Variants in PBRM1 observed in about 807,000 individuals in gnomAD.
PBRM1 encodes the protein protein polybromo-1.
PBRM1 carries 27 observed loss-of-function variants against 194.5 expected under a neutral mutation model. The observed-to-expected ratio is 0.14, with a 90% CI of 0.10 to 0.19. The LOEUF (loss-of-function observed/expected upper bound fraction) is 0.19. Ranked by LOEUF, PBRM1 falls within the 10% of genes least tolerant of loss-of-function variation. The pLI is 1.00. For missense variants in PBRM1, 1,466 were observed against 2,077.2 expected (o/e 0.71, Z 5.72); for synonymous variants, 655 against 693.2 (o/e 0.94, Z 0.87).
At chr3:52,636,214 CTG>C (rs1225318579) in intron 10 of PBRM1, among the ~76,000 whole-genome samples, 1 of 152,114 alleles carries the variant, frequency 6.6e-6, no homozygotes, top group Non-Finnish European at 1.5e-5. Context: ...CCTTAAATCT[CTG>C]TGACTTTGCC....
At chr3:52,631,815 A>C (rs2095627653) in intron 11 of PBRM1, among the ~76,000 whole-genome samples, 1 of 152,222 alleles carries the variant, frequency 6.6e-6, no homozygotes, top group African/African-American at 2.4e-5. Flanking sequence ...GATTTCCTGA[A>C]AGCAATAAAT....
chr3:52,676,213 G>A (rs2097101852), intron 2 of PBRM1, among the ~76,000 whole-genome samples: 1 of 148,308 alleles, frequency 6.7e-6, no homozygotes, highest in Admixed American at 6.7e-5. Flanking sequence ...ATGGATCAAA[G>A]GCCTAAATGT....
At chr3:52,584,790 T>C (rs1426854783) in intron 20 of PBRM1, among the ~76,000 whole-genome samples, 1 of 152,154 alleles carries the variant, frequency 6.6e-6, no homozygotes. Flanking sequence ...TTTACTGCTT[T>C]TGTTTATCTA....
At position 52,648,274 on chromosome 3, in the gene PBRM1, A is replaced by G. The variant is rs1053488156; in HGVS notation, c.813+70T>C. On this transcript the variant is annotated intron_variant, in intron 7 of 29. Coordinates refer to ENST00000296302, the Ensembl canonical transcript of PBRM1. Reference sequence around the variant, plus strand: ...TTATATCTCAATAAAGTTGTTTTATAAAAATTACTGACCTTAAATTATCTA... The same window carrying G: ...TTATATCTCAATAAAGTTGTTTTATGAAAATTACTGACCTTAAATTATCTA... The G allele has an allele frequency of 7.9e-6, 7 of 882,442 alleles. No individual in the cohort carries two copies. The African/African-American group carries it at 8.5e-5, about 11-fold the overall frequency. The allele number at this position is 882,442 out of a possible 1,614,324, so 54.7% of individuals were successfully genotyped here.
At chr3:52,645,677 T>C (rs73839120) in intron 7 of PBRM1, among the ~76,000 whole-genome samples, 1,864 of 151,910 alleles carry the variant, frequency 0.012, 49 homozygotes, top group African/African-American at 0.043. Flanking sequence ...GCAGTCGAGC[T>C]GATAACCGAG....
intron 25 of PBRM1, 21 bp downstream of exon 27, chr3:52,561,746 T>C: frequency 1.2e-6 from 2 of 1,606,364 alleles, no homozygotes; most frequent in South Asian, 1.1e-5. Flanking sequence ...CGAAAGACAG[T>C]TGTGCCTAGG....
intron 5 of PBRM1, among the ~76,000 whole-genome samples, chr3:52,656,545 AT>A (rs2096610973): frequency 6.6e-6 from 1 of 152,194 alleles, no homozygotes; most frequent in South Asian, 2.1e-4. Context: ...CATGCCTGTA[AT>A]CCCAGCTACT....
chr3:52,636,376 G>A (rs2095811842), intron 10 of PBRM1, among the ~76,000 whole-genome samples: 2 of 152,096 alleles, frequency 1.3e-5, no homozygotes, highest in Admixed American at 6.6e-5. Flanking sequence ...CCTAAACAGT[G>A]TGTAAGGACC....
rs778396949 is a variant in PBRM1, at chr3:52,609,749, T to C, written c.2131A>G (p.Ser711Gly). Residue 711 changes from serine to glycine, a missense_variant, in exon 16 of 30, where the codon AGT (serine) becomes GGT (glycine). Ser to Gly is a moderately conservative substitution (Grantham distance 56). Around this residue, in one of 5 missense-constraint regions of PBRM1, gnomAD observed 687 missense variants for 946.2 expected, o/e 0.73. Coordinates refer to ENST00000296302, the Ensembl canonical transcript of PBRM1. This position sits in a 1 kb window ranked among gnomAD's most constrained non-coding sequence, Gnocchi z 4.1. Reference sequence around the variant, plus strand: ...TGGTACTTGTTGGCCATCATGTGACTTCGAATTTTTTCCATGTCCATGGGC... The same window carrying C: ...TGGTACTTGTTGGCCATCATGTGACCTCGAATTTTTTCCATGTCCATGGGC... 4 of 1,607,488 alleles carry C rather than the reference T, an allele frequency of 2.5e-6. No homozygotes were observed. Among genetic ancestry groups the C allele is most frequent in the Non-Finnish European group, 3.4e-6 (4 of 1,177,632 alleles).
chr3:52,607,025 TGAA>T (rs1164919228), intron 16 of PBRM1, among the ~76,000 whole-genome samples: 2 of 152,150 alleles, frequency 1.3e-5, no homozygotes, highest in Non-Finnish European at 2.9e-5. Flanking sequence ...TAAATGGTGA[TGAA>T]GCATGAAGAC....
chr3:52,684,198 C>T (rs1221575471), upstream of PBRM1, among the ~76,000 whole-genome samples: 1 of 137,594 alleles, frequency 7.3e-6, no homozygotes, highest in East Asian at 2.2e-4. Context: ...AAAAAAAATG[C>T]CTGTAAGCAT....
intron 22 of PBRM1, among the ~76,000 whole-genome samples, chr3:52,573,790 G>A (rs1398259058): frequency 1.3e-5 from 2 of 152,216 alleles, no homozygotes; most frequent in Non-Finnish European, 2.9e-5. Context: ...AAGAAAAAAA[G>A]TGACTGAAAC....
At chr3:52,627,868 C>T (rs2095493650) in intron 12 of PBRM1, among the ~76,000 whole-genome samples, 1 of 152,152 alleles carries the variant, frequency 6.6e-6, no homozygotes, top group African/African-American at 2.4e-5. Context: ...GTACAGAGTA[C>T]TAAAAAGGTA....
chr3:52,637,650 G>C (rs1041507994), intron 10 of PBRM1, among the ~76,000 whole-genome samples: 2 of 151,070 alleles, frequency 1.3e-5, no homozygotes, highest in Admixed American at 6.6e-5. Flanking sequence ...AAAGAAGGCT[G>C]GGCGCAGTAG....
At chr3:52,579,497 C>T (rs1280046412) in intron 20 of PBRM1, among the ~76,000 whole-genome samples, 3 of 152,074 alleles carry the variant, frequency 2.0e-5, no homozygotes, top group African/African-American at 7.2e-5. Flanking sequence ...CTCAAAGAGA[C>T]TGAGGTGGGT....
intron 5 of PBRM1, among the ~76,000 whole-genome samples, chr3:52,656,962 C>T (rs1004265812): frequency 2.6e-5 from 4 of 152,110 alleles, no homozygotes; most frequent in African/African-American, 7.2e-5. Flanking sequence ...TAACAAAATG[C>T]TATTCGGTTC....
At chr3:52,566,556 C>G (rs2085278436) in intron 22 of PBRM1, among the ~76,000 whole-genome samples, 2 of 151,968 alleles carry the variant, frequency 1.3e-5, no homozygotes, top group South Asian at 4.1e-4. Flanking sequence ...AGGCCAGATC[C>G]AAAGGGACAA....
At position 52,550,415 on chromosome 3, in the gene PBRM1, T is replaced by TCTC. The variant is rs34372721; in HGVS notation, c.4897+5_4897+6insGAG. 0.49 allele frequency: 684,124 copies of TCTC among 1,395,678 alleles called. 171,442 individuals are homozygous for TCTC. The highest frequency in any genetic ancestry group is 0.6 in the Admixed American group (23,377 of 38,828). 86.5% of individuals were successfully genotyped at this position (1,395,678 alleles called of 1,614,324 possible). A position where few individuals can be genotyped will look rare whatever the true frequency, so the allele number is the denominator to read the frequency against. On this transcript the variant is annotated splice_donor_region_variant and intron_variant, in intron 29 of 29. Coordinates refer to ENST00000296302, the Ensembl canonical transcript of PBRM1. ...TTCACAAAGGCTTATTTAGAAGGAA[T>TCTC]CTTACCTGCCAGTGTCTGATCCCAC... is the stretch of plus-strand genomic sequence containing the variant.
rs1212397100 is a variant in PBRM1, at chr3:52,591,970, G to A, written c.2780-2715C>T. Among the ~76,000 whole-genome samples, 7 of 136,402 alleles carry A rather than the reference G, an allele frequency of 5.1e-5. No individual in the cohort carries two copies. The East Asian group carries it at 8.7e-4, about 17-fold the overall frequency. 89.5% of individuals were successfully genotyped at this position (136,402 alleles called of 152,430 possible). ...GCCTCCCAAGTAGCTGGGATTACAG[G>A]TGCCCACGACCATGCCCGGCTAATT... is the stretch of plus-strand genomic sequence containing the variant. On this transcript the variant is annotated intron_variant, in intron 17 of 29. Coordinates refer to ENST00000296302, the Ensembl canonical transcript of PBRM1.
Sources: allele counts gnomAD v4.1 joint callset (sites outside exome capture counted in the v4.1 genomes callset), GRCh38; gene constraint gnomAD v4.1.1; regional missense constraint gnomAD v4.1.1; non-coding constraint Gnocchi (gnomAD v3.1); transcripts MANE v1.5; gene names NCBI Gene and HGNC (gene_info 2026-07-23, HGNC 2026-07-21).